WBP2NL: variants seen among roughly 807,000 people sequenced by gnomAD.
The protein encoded by WBP2NL is postacrosomal sheath WW domain-binding protein.
A neutral mutation model predicts 23.3 loss-of-function variants in WBP2NL; 27 were observed. That is an observed-to-expected ratio of 1.16 (90% CI 0.85 to 1.60). The LOEUF is 1.60. Among genes scored for constraint, WBP2NL ranks in the 40% most tolerant of loss-of-function variants. WBP2NL has a pLI of 0.00. For missense variants in WBP2NL, 370 were observed against 389.5 expected, an observed-to-expected ratio of 0.95 and a Z score of 0.42; for synonymous variants, 151 against 145.9, an observed-to-expected ratio of 1.03 and a Z score of -0.25.
chr22:42,003,063 A>G (rs1474274193), intron 1 of WBP2NL: 1 of 152,462 alleles, frequency 6.6e-6, no homozygotes, highest in African/African-American at 2.4e-5. Flanking sequence ...AGACTGAGGC[A>G]GGAGAATCGC....
intron 1 of WBP2NL, among the ~76,000 whole-genome samples, chr22:42,009,286 G>C (rs1026764984): frequency 4.6e-5 from 7 of 152,172 alleles, no homozygotes; most frequent in Admixed American, 1.3e-4. Context: ...TCTGGTGATT[G>C]TGTCCTTTGA....
chr22:42,017,746 G>T (rs781175827), intron 1 of WBP2NL, among the ~76,000 whole-genome samples: 3 of 152,058 alleles, frequency 2.0e-5, no homozygotes, highest in Non-Finnish European at 4.4e-5. Flanking sequence ...GTATGGTGGC[G>T]CATTCCTGTA....
chr22:41,999,321 C>T (rs1258609001), intron 1 of WBP2NL, among the ~76,000 whole-genome samples: 1 of 152,218 alleles, frequency 6.6e-6, no homozygotes, highest in African/African-American at 2.4e-5. Context: ...CCTCCTACTT[C>T]CACGAACAAG....
intron 1 of WBP2NL, chr22:42,003,365 A>G (rs919876340): frequency 4.6e-5 from 7 of 152,650 alleles, no homozygotes; most frequent in African/African-American, 1.7e-4. Flanking sequence ...GCTCTGTCTT[A>G]CACTAAATGT....
At chr22:42,005,729 G>A (rs1922168665) in intron 1 of WBP2NL, among the ~76,000 whole-genome samples, 1 of 152,188 alleles carries the variant, frequency 6.6e-6, no homozygotes, top group African/African-American at 2.4e-5. Context: ...AAAGTGTAGT[G>A]CCCAGATCAG....
intron 1 of WBP2NL, 85 bp from the exon 2 acceptor site, chr22:42,019,226 A>C: frequency 7.2e-7 from 1 of 1,386,678 alleles, no homozygotes; most frequent in South Asian, 1.3e-5. Context: ...GTCTCAAAAA[A>C]AAAAAAAAAT....
chr22:42,041,152 C>G (rs1034016740), intron 8 of WBP2NL, among the ~76,000 whole-genome samples: 2 of 152,048 alleles, frequency 1.3e-5, no homozygotes, highest in African/African-American at 4.8e-5. Flanking sequence ...CATTATATGA[C>G]TTTCTTTGTC....
intron 1 of WBP2NL, among the ~76,000 whole-genome samples, chr22:42,000,452 TTTATTTCTCCAAATTTG>T (rs1921521877): frequency 6.6e-6 from 1 of 152,182 alleles, no homozygotes; most frequent in African/African-American, 2.4e-5. Context: ...TTAAGATATT[TTTATTTCTCCAAATTTG>T]TTATTTATTA....
At chr22:42,035,142 G>A (rs1438366468), downstream of WBP2NL, among the ~76,000 whole-genome samples, 2 of 152,354 alleles carry the variant, frequency 1.3e-5, no homozygotes, top group African/African-American at 2.4e-5. Flanking sequence ...AGTAAAGACA[G>A]GCATAAGAAA....
At chr22:42,008,061 C>CGTT (rs1362015200) in intron 1 of WBP2NL, among the ~76,000 whole-genome samples, 1 of 151,906 alleles carries the variant, frequency 6.6e-6, no homozygotes, top group Non-Finnish European at 1.5e-5. Flanking sequence ...CTCACCAACA[C>CGTT]TTGTTTTTCT....
At chr22:42,032,825 G>A, downstream of WBP2NL, 1 of 393,748 alleles carries the variant, frequency 2.5e-6, no homozygotes, top group Non-Finnish European at 5.2e-6. Flanking sequence ...GATGTGACCA[G>A]CAGTTTGATT....
At chr22:42,044,432 C>G (rs1602479551) in intron 8 of WBP2NL, among the ~76,000 whole-genome samples, 1 of 152,004 alleles carries the variant, frequency 6.6e-6, no homozygotes, top group African/African-American at 2.4e-5. Context: ...TCAGAGGGGA[C>G]AAACATTCAA....
At chr22:42,001,853 C>T (rs1186552745) in intron 1 of WBP2NL, 5 of 1,374,274 alleles carry the variant, frequency 3.6e-6, no homozygotes, top group Non-Finnish European at 4.0e-6. Context: ...TGGCATGCTG[C>T]ACCTGTAGCA....
chr22:42,008,025 C>T (rs1922414296), intron 1 of WBP2NL, among the ~76,000 whole-genome samples: 1 of 152,068 alleles, frequency 6.6e-6, no homozygotes, highest in Non-Finnish European at 1.5e-5. Flanking sequence ...AGCAACAGTG[C>T]ACAAGAGTTC....
intron 8 of WBP2NL, among the ~76,000 whole-genome samples, chr22:42,041,467 C>T (rs564400247): frequency 1.6e-4 from 18 of 109,730 alleles, no homozygotes; most frequent in Non-Finnish European, 3.0e-4. Context: ...GGCAACAGGG[C>T]GAGGTTCTGT....
chr22:42,046,182 G>C (rs1204802658), intron 8 of WBP2NL, among the ~76,000 whole-genome samples: 1 of 152,240 alleles, frequency 6.6e-6, no homozygotes, highest in East Asian at 1.9e-4. Flanking sequence ...CTGGTTGGTA[G>C]GGTGAGGTGG....
intron 8 of WBP2NL, among the ~76,000 whole-genome samples, chr22:42,041,577 C>A (rs1458137516): frequency 6.9e-6 from 1 of 144,384 alleles, no homozygotes; most frequent in Non-Finnish European, 1.5e-5. Flanking sequence ...GTATCTTTTT[C>A]TATCCCTTCA....
At chr22:42,001,012 G>A in intron 1 of WBP2NL, 1 of 609,890 alleles carries the variant, frequency 1.6e-6, no homozygotes, top group East Asian at 2.9e-5. Context: ...GAATGCTCAA[G>A]ATATGTCATA....
At chr22:42,043,941 G>C (rs1039125516) in intron 8 of WBP2NL, among the ~76,000 whole-genome samples, 1 of 152,146 alleles carries the variant, frequency 6.6e-6, no homozygotes, top group African/African-American at 2.4e-5. Flanking sequence ...TGGCCAGGCT[G>C]GTCTTGAACT....
Sources: allele counts gnomAD v4.1 joint callset (sites outside exome capture counted in the v4.1 genomes callset), GRCh38; gene constraint gnomAD v4.1.1; transcripts MANE v1.5; gene names NCBI Gene and HGNC (gene_info 2026-07-23, HGNC 2026-07-21).